SDK1: variants seen among roughly 807,000 people sequenced by gnomAD.
SDK1 encodes the protein protein sidekick-1.
Under a neutral mutation model 245.5 loss-of-function variants are expected in SDK1, and 157 were observed. That is an observed-to-expected ratio of 0.64 (90% CI 0.56 to 0.73). The LOEUF (loss-of-function observed/expected upper bound fraction) is 0.73. Among genes scored for constraint, SDK1 ranks in the 30% least tolerant of loss-of-function variants. The pLI is 0.00. For missense variants in SDK1, 3,583 were observed against 3,002.3 expected (o/e 1.19, Z -4.52); for synonymous variants, 1,647 against 1,278.5 (o/e 1.29, Z -6.15).
intron 4 of SDK1, among the ~76,000 whole-genome samples, chr7:3,677,853 C>G (rs866110564): frequency 6.6e-6 from 1 of 152,104 alleles, no homozygotes; most frequent in South Asian, 2.1e-4. Context: ...CATGGATAAC[C>G]AGCTGATTTT....
chr7:3,546,542 A>G (rs1779231675), intron 1 of SDK1, among the ~76,000 whole-genome samples: 1 of 152,258 alleles, frequency 6.6e-6, no homozygotes, highest in Non-Finnish European at 1.5e-5. Context: ...GTAGTGGAAA[A>G]CAGGACATGG....
At chr7:4,183,799 TG>T (rs1264160591) in intron 35 of SDK1, among the ~76,000 whole-genome samples, 1 of 152,182 alleles carries the variant, frequency 6.6e-6, no homozygotes, top group African/African-American at 2.4e-5. Context: ...TTATCAGCCT[TG>T]CTCTAAGTTA....
chr7:3,642,191 G>A, intron 4 of SDK1, 86 bp downstream of exon 4: 3 of 1,327,468 alleles, frequency 2.3e-6, no homozygotes, highest in South Asian at 1.4e-5. Context: ...ACCAATTAAG[G>A]TTACCGATGA....
At chr7:3,986,627 A>G (rs757002866) in intron 13 of SDK1, among the ~76,000 whole-genome samples, 5 of 152,106 alleles carry the variant, frequency 3.3e-5, no homozygotes, top group East Asian at 1.9e-4. Context: ...TTGGGAGGCC[A>G]AGGCGGGTGA....
intron 1 of SDK1, among the ~76,000 whole-genome samples, chr7:3,375,615 G>A (rs748229318): frequency 6.6e-6 from 1 of 152,148 alleles, no homozygotes; most frequent in Admixed American, 6.5e-5. Flanking sequence ...GCTCTTGGGG[G>A]AGCTGGCTAC....
chr7:3,813,123 T>G (rs1461456750), intron 4 of SDK1, among the ~76,000 whole-genome samples: 2 of 151,802 alleles, frequency 1.3e-5, no homozygotes, highest in African/African-American at 2.4e-5. Flanking sequence ...TATTTATTTT[T>G]ATTATACTTT....
chr7:4,009,702 T>C (rs532139867), intron 14 of SDK1, among the ~76,000 whole-genome samples: 1 of 152,384 alleles, frequency 6.6e-6, no homozygotes, highest in South Asian at 2.1e-4. Context: ...CCAACTGGCT[T>C]CATGCTTCAG....
Position 4,267,633 on chromosome 7 carries a change from G to A in SDK1, c.*2249G>A. 12 of 985,506 alleles carry A rather than the reference G, an allele frequency of 1.2e-5. No homozygotes were observed. Among genetic ancestry groups the A allele is most frequent in the South Asian group, 4.7e-5 (1 of 21,292 alleles). The allele number at this position is 985,506 out of a possible 1,614,324, so 61.0% of individuals were successfully genotyped here. On this transcript the variant is annotated 3_prime_UTR_variant, in exon 45 of 45. Coordinates refer to ENST00000404826, the MANE Select transcript of SDK1 (RefSeq NM_152744.4). ...GACTGCTCTCTGCAGCCATGAGGAT[G>A]TGGCTTTACATGCCAGGGAGAGTGT...
At chr7:3,843,138 C>A (rs1202686848) in intron 5 of SDK1, among the ~76,000 whole-genome samples, 2 of 152,144 alleles carry the variant, frequency 1.3e-5, no homozygotes, top group Non-Finnish European at 2.9e-5. Context: ...ATTTATGGAA[C>A]CCTGGGCTTT....
intron 5 of SDK1, among the ~76,000 whole-genome samples, chr7:3,913,328 C>G (rs916958195): frequency 6.9e-6 from 1 of 145,820 alleles, no homozygotes. Flanking sequence ...GAGTCTCGCT[C>G]TGTCACCCAG....
At chr7:3,334,671 C>G (rs1780154027) in intron 1 of SDK1, among the ~76,000 whole-genome samples, 1 of 152,146 alleles carries the variant, frequency 6.6e-6, no homozygotes, top group Non-Finnish European at 1.5e-5. Context: ...GGTGGCAGCT[C>G]ATTCTGTTCC....
Position 4,267,440 on chromosome 7 carries a change from C to A in SDK1, c.*2056C>A, listed in dbSNP as rs1464030810. The A allele has an allele frequency of 6.1e-6, 6 of 985,348 alleles. No homozygotes were observed. The East Asian group carries it at 6.8e-4, about 112-fold the overall frequency. The allele number at this position is 985,348 out of a possible 1,614,324, so 61.0% of individuals were successfully genotyped here. On this transcript the variant is annotated 3_prime_UTR_variant, in exon 45 of 45. Coordinates refer to ENST00000404826, the MANE Select transcript of SDK1 (RefSeq NM_152744.4). ...AGCCACTTCTGCATGAGAATCGCAA[C>A]CCACAGTTCCCCGGATGAGACTCAC...
At chr7:3,481,375 G>A (rs1781516487) in intron 1 of SDK1, among the ~76,000 whole-genome samples, 1 of 152,174 alleles carries the variant, frequency 6.6e-6, no homozygotes, top group Non-Finnish European at 1.5e-5. Context: ...TATTGAGTGT[G>A]ATAGATTTAA....
intron 17 of SDK1, among the ~76,000 whole-genome samples, chr7:4,033,125 G>A (rs546009092): frequency 9.2e-5 from 14 of 152,202 alleles, no homozygotes; most frequent in Non-Finnish European, 1.6e-4. Context: ...GAAGATGTCC[G>A]GAACAGAACA....
At chr7:4,172,904 C>T (rs958916746) in intron 32 of SDK1, among the ~76,000 whole-genome samples, 6 of 152,234 alleles carry the variant, frequency 3.9e-5, no homozygotes, top group Admixed American at 1.3e-4. Context: ...TAGGACCCTC[C>T]CCTAATCCAG....
intron 1 of SDK1, among the ~76,000 whole-genome samples, chr7:3,544,277 G>T (rs1241342551): frequency 6.6e-6 from 1 of 152,228 alleles, no homozygotes; most frequent in Admixed American, 6.5e-5. Flanking sequence ...TAATTTAAAA[G>T]ACATTTTCCC....
Position 3,455,589 on chromosome 7 carries a change from C to T in SDK1, c.298+153705C>T, listed in dbSNP as rs144272833. 1.1e-4 allele frequency among the ~76,000 whole-genome samples: 17 copies of T among 152,188 alleles called. No homozygotes were observed. The East Asian group carries it at 3.1e-3, about 28-fold the overall frequency. On this transcript the variant is annotated intron_variant, in intron 1 of 44. Transcript: ENST00000404826. Reference sequence around the variant, plus strand: ...TCATCCGTGTAAAAAATTAGCTGGGCATCTTACTGTGTGTCTTTCTGGCTT... The same window carrying T: ...TCATCCGTGTAAAAAATTAGCTGGGTATCTTACTGTGTGTCTTTCTGGCTT...
chr7:3,576,381 G>C (rs142335117), intron 1 of SDK1, among the ~76,000 whole-genome samples: 52 of 152,192 alleles, frequency 3.4e-4, no homozygotes, highest in Middle Eastern at 3.4e-3. Flanking sequence ...AGTGAGATAA[G>C]CTGTGTGTTA....
At chr7:3,806,421 C>G (rs549903401) in intron 4 of SDK1, among the ~76,000 whole-genome samples, 2 of 152,168 alleles carry the variant, frequency 1.3e-5, no homozygotes, top group Admixed American at 6.5e-5. Context: ...CGGCCCACCA[C>G]GAGAAGGCTC....
Sources: gnomAD v4.1 joint callset for allele counts (sites outside exome capture counted in the v4.1 genomes callset) on GRCh38, gnomAD v4.1.1 for gene constraint, MANE v1.5 for transcripts, NCBI Gene and HGNC (gene_info 2026-07-23, HGNC 2026-07-21) for gene names.